The following THSD7B variants were observed in gnomAD, a reference collection of about 807,000 sequenced individuals.
THSD7B encodes thrombospondin type-1 domain-containing protein 7B.
THSD7B carries 138 observed loss-of-function variants against 213.6 expected under a neutral mutation model. That is an observed-to-expected ratio of 0.65 (90% CI 0.56 to 0.74). The LOEUF (loss-of-function observed/expected upper bound fraction) is 0.74. Among genes scored for constraint, THSD7B ranks in the 30% least tolerant of loss-of-function variants. The pLI, the probability that THSD7B is intolerant of heterozygous loss-of-function variation, is 0.00. For missense variants in THSD7B, 1,931 were observed against 1,991.5 expected (o/e 0.97, Z 0.58); for synonymous variants, 742 against 687.0 (o/e 1.08, Z -1.25).
chr2:136,936,785 A>G (rs1312904859), intron 2 of THSD7B, among the ~76,000 whole-genome samples: 4 of 152,022 alleles, frequency 2.6e-5, no homozygotes, highest in Non-Finnish European at 2.9e-5. Flanking sequence ...TACTCATGTA[A>G]CCAAATACCA....
In THSD7B at chr2:137,585,578, G is replaced by T. The variant is rs562029631; in HGVS notation, c.3423+13022G>T. 7.6e-4 allele frequency among the ~76,000 whole-genome samples: 115 copies of T among 152,156 alleles called. 5 individuals are homozygous for T. In the South Asian group the frequency reaches 0.024, roughly 31 times the overall value. On this transcript the variant is annotated intron_variant, in intron 17 of 27. Transcript: ENST00000409968. ...GGTTTCAAAGAACATCTTTATTTCT[G>T]CCTTCATTTTGTTATATACCCAGTA... is the stretch of plus-strand genomic sequence containing the variant.
chr2:137,171,490 G>T (rs1398615469), intron 7 of THSD7B, among the ~76,000 whole-genome samples: 1 of 152,130 alleles, frequency 6.6e-6, no homozygotes, highest in East Asian at 1.9e-4. Flanking sequence ...TAACAATGAT[G>T]TCTTTCCTCA....
intron 14 of THSD7B, among the ~76,000 whole-genome samples, chr2:137,442,439 A>G (rs1054145182): frequency 4.6e-5 from 7 of 151,832 alleles, no homozygotes; most frequent in Admixed American, 3.9e-4. Flanking sequence ...AACAAACAGA[A>G]CAGATTACTT....
At chr2:137,490,182 A>G (rs970386126) in intron 15 of THSD7B, among the ~76,000 whole-genome samples, 2 of 152,224 alleles carry the variant, frequency 1.3e-5, no homozygotes, top group Non-Finnish European at 2.9e-5. Flanking sequence ...TTCAGCATGC[A>G]AAGGATACCC....
intron 12 of THSD7B, among the ~76,000 whole-genome samples, chr2:137,387,339 A>G (rs911908179): frequency 2.2e-4 from 34 of 152,350 alleles, no homozygotes; most frequent in African/African-American, 7.9e-4. Context: ...CAGCTGTCCC[A>G]GGCAGTTTCT....
intron 2 of THSD7B, among the ~76,000 whole-genome samples, chr2:137,015,747 A>G (rs757575308): frequency 9.2e-5 from 14 of 152,104 alleles, no homozygotes; most frequent in Non-Finnish European, 1.8e-4. Flanking sequence ...AATCTTGGGA[A>G]ACTCCTCCTT....
intron 7 of THSD7B, among the ~76,000 whole-genome samples, chr2:137,215,204 T>A (rs1270929606): frequency 6.6e-6 from 1 of 152,202 alleles, no homozygotes; most frequent in Non-Finnish European, 1.5e-5. Flanking sequence ...CTCTTTTTCA[T>A]GTTTGTTGGC....
At chr2:137,110,562 C>T (rs1688330209) in intron 4 of THSD7B, among the ~76,000 whole-genome samples, 1 of 152,164 alleles carries the variant, frequency 6.6e-6, no homozygotes, top group Non-Finnish European at 1.5e-5. Context: ...GCTGTTTTTA[C>T]ATAAATGGAG....
At chr2:137,419,486 G>A (rs1018451094) in intron 14 of THSD7B, among the ~76,000 whole-genome samples, 1 of 150,842 alleles carries the variant, frequency 6.6e-6, no homozygotes, top group Admixed American at 6.7e-5. Flanking sequence ...GGGATGCCAA[G>A]GTGCCCCCCA....
chr2:137,011,035 T>C (rs1358894084), intron 2 of THSD7B, among the ~76,000 whole-genome samples: 2 of 152,212 alleles, frequency 1.3e-5, no homozygotes, highest in East Asian at 1.9e-4. Flanking sequence ...CTTTCATTAG[T>C]AGAACTTGTT....
intron 12 of THSD7B, among the ~76,000 whole-genome samples, chr2:137,315,051 A>AGG (rs1558754610): frequency 2.6e-5 from 4 of 152,176 alleles, no homozygotes; most frequent in African/African-American, 7.2e-5. Flanking sequence ...CGAGCTTCCC[A>AGG]GCTGCTTTGT....
At chr2:137,023,409 C>T (rs1264022313) in intron 2 of THSD7B, among the ~76,000 whole-genome samples, 2 of 152,020 alleles carry the variant, frequency 1.3e-5, no homozygotes, top group African/African-American at 2.4e-5. Context: ...TGCCCTGTAG[C>T]GGATAACCTG....
At chr2:137,388,189 A>G (rs1371550338) in intron 12 of THSD7B, among the ~76,000 whole-genome samples, 1 of 151,940 alleles carries the variant, frequency 6.6e-6, no homozygotes, top group Non-Finnish European at 1.5e-5. Context: ...CTTTTTCATA[A>G]TAGTACATAC....
chr2:137,515,346 C>T (rs1680047914), intron 15 of THSD7B, among the ~76,000 whole-genome samples: 2 of 152,304 alleles, frequency 1.3e-5, no homozygotes, highest in Middle Eastern at 3.4e-3. Context: ...CCTTGCACTG[C>T]CTGAGGCAAT....
In THSD7B at chr2:137,231,252, GT is replaced by G. The variant is rs1256146436; in HGVS notation, c.1915+21del. 1 of 1,586,364 alleles carries G rather than the reference GT, an allele frequency of 6.3e-7. No individual in the cohort carries two copies. The highest frequency in any genetic ancestry group is 1.1e-5 in the South Asian group (1 of 87,354). On this transcript the variant is annotated intron_variant, in intron 8 of 27. Coordinates refer to ENST00000409968, the MANE Select transcript of THSD7B (RefSeq NM_001316349.2). ...CTGGGGAAGGTGAGTAACAGAAAAG[GT>G]TTTCACTTTGGATTCATTAGCCCAA...
intron 12 of THSD7B, among the ~76,000 whole-genome samples, chr2:137,366,220 A>C (rs1685403762): frequency 6.6e-6 from 1 of 152,138 alleles, no homozygotes; most frequent in African/African-American, 2.4e-5. Flanking sequence ...GGTGGGGAAC[A>C]TCACACACTG....
chr2:136,922,774 A>G (rs1028855034), intron 2 of THSD7B, among the ~76,000 whole-genome samples: 4 of 152,214 alleles, frequency 2.6e-5, no homozygotes, highest in African/African-American at 9.6e-5. Context: ...CAAGCTAACT[A>G]TACCACTTTT....
chr2:137,492,765 TAACAC>T (rs1234154176), intron 15 of THSD7B, among the ~76,000 whole-genome samples: 1 of 152,128 alleles, frequency 6.6e-6, no homozygotes, highest in African/African-American at 2.4e-5. Flanking sequence ...CGTTAATAAA[TAACAC>T]AAGAACTTAG....
At chr2:137,077,111 A>G (rs913423004) in intron 3 of THSD7B, among the ~76,000 whole-genome samples, 4 of 151,646 alleles carry the variant, frequency 2.6e-5, no homozygotes, top group Admixed American at 2.6e-4. Context: ...TTTGCTGAGA[A>G]TGATGGTTTC....
Sources: allele counts gnomAD v4.1 joint callset (sites outside exome capture counted in the v4.1 genomes callset), GRCh38; gene constraint gnomAD v4.1.1; transcripts MANE v1.5; gene names NCBI Gene and HGNC (gene_info 2026-07-23, HGNC 2026-07-21).